The following KAZN variants were observed in gnomAD, a reference collection of about 807,000 sequenced individuals.
The protein encoded by KAZN is kazrin.
Under a neutral mutation model 87.4 loss-of-function variants are expected in KAZN, and 40 were observed. The observed-to-expected ratio is 0.46, with a 90% CI of 0.36 to 0.60. KAZN has a LOEUF of 0.60. Among genes scored for constraint, KAZN ranks in the 20% least tolerant of loss-of-function variants. The probability of loss-of-function intolerance (pLI) is 0.00; values close to 1 mark genes in which losing one functional copy is unlikely to be tolerated. For missense variants in KAZN, 898 were observed against 1,073.9 expected (o/e 0.84, Z 2.29); for synonymous variants, 466 against 458.3 (o/e 1.02, Z -0.22).
At chr1:14,548,802 T>C (rs1177638370) in intron 2 of KAZN, among the ~76,000 whole-genome samples, 1 of 152,216 alleles carries the variant, frequency 6.6e-6, no homozygotes, top group Non-Finnish European at 1.5e-5. Flanking sequence ...TTTCGTTGTC[T>C]GCAGTACACA....
intron 5 of KAZN, among the ~76,000 whole-genome samples, chr1:15,057,456 G>A (rs993635231): frequency 2.6e-5 from 4 of 152,248 alleles, no homozygotes; most frequent in East Asian, 1.9e-4. Flanking sequence ...CATTATCATC[G>A]TCATCATCAC....
intron 2 of KAZN, among the ~76,000 whole-genome samples, chr1:14,346,321 T>C (rs1026474290): frequency 2.0e-5 from 3 of 152,176 alleles, no homozygotes; most frequent in Non-Finnish European, 4.4e-5. Flanking sequence ...AATTACAGCA[T>C]GCAGCTTTCA....
At chr1:14,766,958 G>A (rs2100574000) in intron 1 of KAZN, among the ~76,000 whole-genome samples, 1 of 152,142 alleles carries the variant, frequency 6.6e-6, no homozygotes, top group East Asian at 1.9e-4. Context: ...GGAAAATAAG[G>A]GCTGGAGGGA....
chr1:14,074,317 G>A lies in KAZN; in HGVS notation c.92-106118G>A, dbSNP rs74328493. Among the ~76,000 whole-genome samples, 769 of 152,196 alleles carry A rather than the reference G, an allele frequency of 5.1e-3. 5 individuals are homozygous for A. Among genetic ancestry groups the A allele is most frequent in the African/African-American group, 0.018 (732 of 41,530 alleles). On this transcript the variant is annotated intron_variant, in intron 1 of 16. Coordinates refer to the KAZN transcript ENST00000636203. Reference sequence around the variant, plus strand: ...AGCCCCTTTCTTCAACCCTGACTCTGTGCCACCTCACAAGGAGCCCCTCCT... The same window carrying A: ...AGCCCCTTTCTTCAACCCTGACTCTATGCCACCTCACAAGGAGCCCCTCCT...
At chr1:14,689,514 A>G (rs1302337856) in intron 1 of KAZN, among the ~76,000 whole-genome samples, 2 of 152,160 alleles carry the variant, frequency 1.3e-5, no homozygotes, top group Non-Finnish European at 2.9e-5. Context: ...GCAGCTGGAG[A>G]GTTTTACTAG....
In KAZN at chr1:15,065,942, G is replaced by A. The variant is rs962783367; in HGVS notation, c.1222+189G>A. 49 of 1,405,612 alleles carry A rather than the reference G, an allele frequency of 3.5e-5. No homozygotes were observed. The East Asian group carries it at 8.7e-4, about 25-fold the overall frequency. 87.1% of individuals were successfully genotyped at this position (1,405,612 alleles called of 1,614,324 possible). The stretch of plus-strand genomic sequence containing the variant: ...ACATGGGTGCTGGGTGTGGCCGAGC[G>A]CCTCTAACAAGTGAAAACACGAGTG... On this transcript the variant is annotated intron_variant, in intron 8 of 14. Coordinates refer to ENST00000376030, the MANE Select transcript of KAZN (RefSeq NM_201628.3).
chr1:14,768,796 A>G (rs1198867959), intron 1 of KAZN, among the ~76,000 whole-genome samples: 1 of 152,252 alleles, frequency 6.6e-6, no homozygotes, highest in African/African-American at 2.4e-5. Context: ...TGCCTCATCC[A>G]AAGTAATCAG....
chr1:14,181,158 G>C (rs975410779), intron 2 of KAZN, among the ~76,000 whole-genome samples: 1 of 152,112 alleles, frequency 6.6e-6, no homozygotes, highest in Non-Finnish European at 1.5e-5. Flanking sequence ...TGGCTTTGTT[G>C]GTGGGTCTCT....
In KAZN at chr1:14,524,437, C is replaced by T. The variant is rs193299670; in HGVS notation, c.250-74546C>T. On this transcript the variant is annotated intron_variant, in intron 2 of 16. Coordinates refer to the KAZN transcript ENST00000636203. Reference sequence around the variant, plus strand: ...CAGCTTTTCCACAAAGGAGCCTGTGCCCTTGAGAAAGCCCACTCCCCCGTC... The same window carrying T: ...CAGCTTTTCCACAAAGGAGCCTGTGTCCTTGAGAAAGCCCACTCCCCCGTC... Among the ~76,000 whole-genome samples, 518 of 152,214 alleles carry T rather than the reference C, an allele frequency of 3.4e-3. 4 individuals are homozygous for T. The highest frequency in any genetic ancestry group is 0.012 in the African/African-American group (488 of 41,528).
At chr1:14,741,226 A>G (rs1411554474) in intron 1 of KAZN, among the ~76,000 whole-genome samples, 3 of 152,250 alleles carry the variant, frequency 2.0e-5, no homozygotes, top group Admixed American at 6.5e-5. Context: ...CCCCTGTGAC[A>G]TAATCCAGAA....
chr1:15,054,588 GTT>G (rs1674743577), intron 4 of KAZN, among the ~76,000 whole-genome samples: 1 of 151,508 alleles, frequency 6.6e-6, no homozygotes, highest in Non-Finnish European at 1.5e-5. Context: ...GGAGGTGGAG[GTT>G]GCAGTAAACC....
chr1:14,299,928 A>T (rs558356397), intron 2 of KAZN, among the ~76,000 whole-genome samples: 1 of 152,282 alleles, frequency 6.6e-6, no homozygotes, highest in Non-Finnish European at 1.5e-5. Context: ...CATTAAGGCA[A>T]TTACAGTGGT....
chr1:14,686,620 A>G (rs1463994363), intron 1 of KAZN, among the ~76,000 whole-genome samples: 1 of 152,252 alleles, frequency 6.6e-6, no homozygotes, highest in Admixed American at 6.5e-5. Context: ...CCTTCTGGCA[A>G]AAGCGACCTA....
At chr1:14,122,126 A>C (rs1426098802) in intron 1 of KAZN, among the ~76,000 whole-genome samples, 2 of 152,170 alleles carry the variant, frequency 1.3e-5, no homozygotes, top group Admixed American at 6.5e-5. Context: ...GAAGTGCTGC[A>C]ACAGGGAGAC....
rs139936958 is a variant in KAZN, at chr1:13,930,953, G to C, written c.91+37197G>C. 2.8e-3 allele frequency among the ~76,000 whole-genome samples: 419 copies of C among 152,232 alleles called. 2 individuals are homozygous for C. The highest frequency in any genetic ancestry group is 9.8e-3 in the African/African-American group (407 of 41,536). On this transcript the variant is annotated intron_variant, in intron 1 of 16. Transcript: ENST00000636203. ...CACAGATCTGCCCCATGGCCTTGTG[G>C]GTCCTGGCTCTATACCTCCAGTGTC... is the stretch of plus-strand genomic sequence containing the variant.
intron 2 of KAZN, among the ~76,000 whole-genome samples, chr1:14,991,107 C>G (rs571241566): frequency 8.5e-5 from 13 of 152,060 alleles, no homozygotes; most frequent in Admixed American, 7.2e-4. Context: ...AATCCTAGCA[C>G]TTTGGGAGGC....
chr1:14,821,722 C>G (rs1314247721), intron 1 of KAZN, among the ~76,000 whole-genome samples: 1 of 152,064 alleles, frequency 6.6e-6, no homozygotes, highest in African/African-American at 2.4e-5. Flanking sequence ...ACCTAGATCT[C>G]AGACTTCCAG....
At chr1:14,579,498 G>A (rs1056773413) in intron 2 of KAZN, among the ~76,000 whole-genome samples, 14 of 151,936 alleles carry the variant, frequency 9.2e-5, no homozygotes, top group African/African-American at 1.9e-4. Flanking sequence ...GGTGGCGGGC[G>A]CCTGTAGTCC....
At chr1:14,081,252 C>T (rs978832803) in intron 1 of KAZN, among the ~76,000 whole-genome samples, 4 of 152,124 alleles carry the variant, frequency 2.6e-5, no homozygotes, top group African/African-American at 9.7e-5. Flanking sequence ...CCAAGCACTC[C>T]TGGAGATTAA....
Sources: allele counts gnomAD v4.1 joint callset (sites outside exome capture counted in the v4.1 genomes callset), GRCh38; gene constraint gnomAD v4.1.1; transcripts MANE v1.5; gene names NCBI Gene and HGNC (gene_info 2026-07-23, HGNC 2026-07-21).